Variants in EPS15L1 observed in about 807,000 individuals in gnomAD.
EPS15L1 encodes epidermal growth factor receptor pathway substrate 15 like 1.
EPS15L1 carries 43 observed loss-of-function variants against 117.1 expected under a neutral mutation model. The observed-to-expected ratio is 0.37, with a 90% confidence interval of 0.29 to 0.47. EPS15L1 has a LOEUF of 0.47. Ranked by LOEUF, EPS15L1 falls within the 20% of genes least tolerant of loss-of-function variation. The pLI is 0.99. For missense variants in EPS15L1, 981 were observed against 1,164.0 expected, an observed-to-expected ratio of 0.84 and a Z score of 2.29; for synonymous variants, 459 against 470.5, an observed-to-expected ratio of 0.98 and a Z score of 0.32.
chr19:16,360,257 G>A (rs1568385078), intron 23 of EPS15L1, among the ~76,000 whole-genome samples: 1 of 151,958 alleles, frequency 6.6e-6, no homozygotes, highest in South Asian at 2.1e-4. Context: ...TTAAATCAGC[G>A]TTTAATATTT....
At position 16,437,884 on chromosome 19, in the gene EPS15L1, G is replaced by A; in HGVS notation, c.214-19C>T. On this transcript the variant is annotated intron_variant, in intron 4 of 23. Coordinates refer to ENST00000455140, the MANE Select transcript of EPS15L1 (RefSeq NM_001258374.3). ...AGAAACCCTGCAAGTCCAAAGAAAG[G>A]GAAGGAGTAAACAGCATATCGCCAG... is the stretch of plus-strand genomic sequence containing the variant. 6.2e-7 allele frequency: 1 copy of A among 1,600,184 alleles called. No homozygotes were observed. The highest frequency in any genetic ancestry group is 2.2e-5 in the East Asian group (1 of 44,778).
intron 6 of EPS15L1, chr19:16,434,933 CTCTTTTTTTTTTTTTTTT>C (rs1312873804): frequency 6.7e-6 from 1 of 150,150 alleles, no homozygotes; most frequent in African/African-American, 2.5e-5. Flanking sequence ...ACAGGAAGTC[CTCTTTTTTTTTTTTTTTT>C]TCTTTTTTTG....
intron 13 of EPS15L1, among the ~76,000 whole-genome samples, chr19:16,407,661 C>G (rs2092669330): frequency 6.6e-6 from 1 of 152,158 alleles, no homozygotes; most frequent in African/African-American, 2.4e-5. Context: ...TTTCTCCCTT[C>G]TTGATATATA....
chr19:16,358,611 T>G (rs150172585), intron 23 of EPS15L1, among the ~76,000 whole-genome samples: 14 of 151,814 alleles, frequency 9.2e-5, no homozygotes, highest in Non-Finnish European at 1.5e-4. Flanking sequence ...AGCAAATAAG[T>G]GGTTCATTTC....
intron 21 of EPS15L1, among the ~76,000 whole-genome samples, chr19:16,379,130 C>A (rs2144711893): frequency 6.6e-6 from 1 of 152,132 alleles, no homozygotes; most frequent in East Asian, 1.9e-4. Flanking sequence ...GGTGAAAAAC[C>A]CCATCTCTAC....
intron 16 of EPS15L1, among the ~76,000 whole-genome samples, chr19:16,398,554 G>A (rs950916889): frequency 3.9e-5 from 6 of 152,240 alleles, no homozygotes; most frequent in African/African-American, 9.6e-5. Flanking sequence ...CCCATGGAAG[G>A]AGGAATGTAT....
At chr19:16,428,385 A>AAAAGAAAG (rs1190848592) in intron 8 of EPS15L1, among the ~76,000 whole-genome samples, 1 of 148,620 alleles carries the variant, frequency 6.7e-6, no homozygotes, top group African/African-American at 2.5e-5. Flanking sequence ...AACAAAAAAA[A>AAAAGAAAG]AAAGAAAGAA....
intron 23 of EPS15L1, among the ~76,000 whole-genome samples, chr19:16,359,485 C>CT (rs2144621514): frequency 6.6e-6 from 1 of 152,322 alleles, no homozygotes; most frequent in South Asian, 2.1e-4. Context: ...CTCAACCCAT[C>CT]CCTTCAGAGT....
intron 22 of EPS15L1, among the ~76,000 whole-genome samples, chr19:16,374,956 G>A (rs961496982): frequency 4.6e-5 from 7 of 152,256 alleles, no homozygotes; most frequent in African/African-American, 1.7e-4. Flanking sequence ...ATGTGAATAT[G>A]TGCATGTCTC....
chr19:16,368,202 C>A (rs1167998379), intron 22 of EPS15L1, among the ~76,000 whole-genome samples: 2 of 152,196 alleles, frequency 1.3e-5, no homozygotes, highest in Non-Finnish European at 2.9e-5. Context: ...CTCACTCATC[C>A]TACACAACTG....
At chr19:16,440,946 C>T (rs769353384) in intron 3 of EPS15L1, 37 bp from the exon 4 acceptor site, 3 of 1,608,208 alleles carry the variant, frequency 1.9e-6, no homozygotes, top group South Asian at 1.1e-5. Flanking sequence ...GCATGACTGC[C>T]GATCACTGTC....
intron 8 of EPS15L1, among the ~76,000 whole-genome samples, chr19:16,425,862 C>T (rs536859251): frequency 1.3e-5 from 2 of 152,158 alleles, no homozygotes; most frequent in Non-Finnish European, 2.9e-5. Flanking sequence ...ATCCATGAGG[C>T]AGGCCACAGC....
intron 8 of EPS15L1, among the ~76,000 whole-genome samples, chr19:16,427,203 C>T (rs1599631681): frequency 6.6e-6 from 1 of 152,056 alleles, no homozygotes; most frequent in South Asian, 2.1e-4. Flanking sequence ...GGGGGGAGGT[C>T]GCTTGAGTTG....
intron 22 of EPS15L1, among the ~76,000 whole-genome samples, chr19:16,373,902 G>A (rs960356837): frequency 9.9e-5 from 15 of 152,148 alleles, no homozygotes; most frequent in Admixed American, 7.9e-4. Context: ...ACCACCACAC[G>A]GTCTGTACCT....
At chr19:16,470,385 T>G (rs543850890) in intron 1 of EPS15L1, among the ~76,000 whole-genome samples, 1 of 148,174 alleles carries the variant, frequency 6.7e-6, no homozygotes, top group Non-Finnish European at 1.5e-5. Flanking sequence ...ATACTCCATC[T>G]CAAAAAAAAA....
chr19:16,422,230 C>A (rs1480305777), intron 9 of EPS15L1, among the ~76,000 whole-genome samples: 1 of 152,182 alleles, frequency 6.6e-6, no homozygotes, highest in East Asian at 1.9e-4. Context: ...GAGGCAAACG[C>A]CATCATGGGT....
At chr19:16,399,284 A>G (rs1022824968) in intron 16 of EPS15L1, among the ~76,000 whole-genome samples, 2 of 152,186 alleles carry the variant, frequency 1.3e-5, no homozygotes, top group Non-Finnish European at 2.9e-5. Context: ...CCTGTTACAA[A>G]GATACCATCA....
intron 9 of EPS15L1, among the ~76,000 whole-genome samples, chr19:16,424,686 G>A (rs1599627063): frequency 6.6e-6 from 1 of 151,854 alleles, no homozygotes; most frequent in Admixed American, 6.6e-5. Context: ...TTGAGATAGA[G>A]TTTCGCTCTT....
chr19:16,410,727 A>G (rs995828924), intron 13 of EPS15L1, among the ~76,000 whole-genome samples: 1 of 152,124 alleles, frequency 6.6e-6, no homozygotes, highest in Non-Finnish European at 1.5e-5. Context: ...CCTGGACAAC[A>G]CAGTGAGACC....
Sources: allele counts gnomAD v4.1 joint callset (sites outside exome capture counted in the v4.1 genomes callset), GRCh38; gene constraint gnomAD v4.1.1; transcripts MANE v1.5; gene names NCBI Gene and HGNC (gene_info 2026-07-23, HGNC 2026-07-21).